NOX5: variants seen among roughly 807,000 people sequenced by gnomAD.
The protein encoded by NOX5 is NADPH oxidase 5, also known as NADPH oxidase, EF-hand calcium binding domain 5.
Under a neutral mutation model 85.7 loss-of-function variants are expected in NOX5, and 76 were observed. That is an observed-to-expected ratio of 0.89 (90% CI 0.74 to 1.07). The LOEUF is 1.07. NOX5 is among the 50% of genes least tolerant of loss of function. The pLI, the probability that NOX5 is intolerant of heterozygous loss-of-function variation, is 0.00. For missense variants in NOX5, 973 were observed against 999.5 expected (o/e 0.97, Z 0.36); for synonymous variants, 405 against 401.4 (o/e 1.01, Z -0.11).
intron 10 of NOX5, among the ~76,000 whole-genome samples, chr15:69,045,536 T>TCTTTCTTTC (rs1555437202): frequency 3.2e-5 from 3 of 94,470 alleles, no homozygotes; most frequent in Non-Finnish European, 5.7e-5. Context: ...TTCCTTTCTT[T>TCTTTCTTTC]TTTCTTTCTT....
At chr15:69,023,804 C>A in intron 1 of NOX5, 1 of 182,772 alleles carries the variant, frequency 5.5e-6, no homozygotes. Flanking sequence ...TTAGCACTGG[C>A]CATAGCAGCA....
rs2050211626 is a variant in NOX5 at position 69,014,785 on chromosome 15, G to A, written c.50G>A (p.Gly17Asp). 1 of 1,546,880 alleles carries A rather than the reference G, an allele frequency of 6.5e-7. No individual in the cohort carries two copies. ...PAQTGPEGCR[G>D]TMSAEEDARW... The stretch of plus-strand genomic sequence containing the variant: ...CAGACGGGCCCTGAAGGCTGTAGAG[G>A]GTGAGTGGCTCATTTGTCCAGCTTT... Residue 17 changes from glycine (G) to aspartate (D), a missense_variant and splice_region_variant, in exon 1 of 16, where the codon GGC becomes GAC. Physicochemically the swap from Gly to Asp is moderately conservative, Grantham distance 94. Coordinates refer to ENST00000388866, the MANE Select transcript of NOX5 (RefSeq NM_024505.4).
At chr15:69,019,808 T>C (rs541616050) in intron 1 of NOX5, among the ~76,000 whole-genome samples, 1 of 152,348 alleles carries the variant, frequency 6.6e-6, no homozygotes, top group African/African-American at 2.4e-5. Flanking sequence ...TAGGATACAT[T>C]CCTAAAAATT....
rs1426123252 is a variant in NOX5, at chr15:69,059,504, C to G, written c.*2808C>G. The G allele has an allele frequency of 6.6e-6, 1 of 152,226 alleles. No individual in the cohort carries two copies. The highest frequency in any genetic ancestry group is 1.5e-5 in the Non-Finnish European group (1 of 68,082). The allele number at this position is 152,226 out of a possible 1,614,324, so 9.4% of individuals were successfully genotyped here. On this transcript the variant is annotated 3_prime_UTR_variant, in exon 16 of 16. Transcript: ENST00000388866. ...CCTTCCCCCAGAAACTCTACCCTCC[C>G]CATACCCAGTGTCCAGTTCTGGGCT...
Position 69,042,912 on chromosome 15 carries a change from C to A in NOX5, c.1647+107C>A, listed in dbSNP as rs2050614167. 5.7e-6 allele frequency: 7 copies of A among 1,225,848 alleles called. No homozygotes were observed. The South Asian group carries it at 6.1e-5, about 11-fold the overall frequency. 75.9% of individuals were successfully genotyped at this position (1,225,848 alleles called of 1,614,324 possible). On this transcript the variant is annotated intron_variant, in intron 10 of 15. Transcript: ENST00000388866. ...TCAATTATTGAGCAACTGCTGTGTA[C>A]ATAGATGGCAGCACAAGGGGGTTAG...
Position 69,031,723 on chromosome 15 carries a change from C to T in NOX5, c.531C>T (p.Ala177=). 1 of 1,612,994 alleles carries T rather than the reference C, an allele frequency of 6.2e-7. No homozygotes were observed. The highest frequency in any genetic ancestry group is 8.5e-7 in the Non-Finnish European group (1 of 1,179,720). ...TGACGCTGGCGCTCTTCGAATCGGC[C>T]GACGCGGACGGCAACGGGGCCATCA... ...DQLTLALFES[A]DADGNGAITF... Residue 177 remains alanine (A), a synonymous_variant, in exon 4 of 16, where the codon GCC becomes GCT. Coordinates refer to ENST00000388866, the MANE Select transcript of NOX5 (RefSeq NM_024505.4).
rs980602958 is a variant in NOX5, at chr15:69,057,812, C to T, written c.*1116C>T. On this transcript the variant is annotated 3_prime_UTR_variant, in exon 16 of 16. Transcript: ENST00000388866. The stretch of plus-strand genomic sequence containing the variant: ...CACCTCAGTTCAGCTCCTTGCTGCT[C>T]CAGGCTTTCGTGCATCTACATCATT... 6.6e-6 allele frequency: 1 copy of T among 152,348 alleles called. No individual in the cohort carries two copies. Among genetic ancestry groups the T allele is most frequent in the African/African-American group, 2.4e-5 (1 of 41,466 alleles). 9.4% of individuals were successfully genotyped at this position (152,348 alleles called of 1,614,324 possible).
At chr15:69,051,882 G>A (rs1404088327) in intron 14 of NOX5, among the ~76,000 whole-genome samples, 1 of 151,342 alleles carries the variant, frequency 6.6e-6, no homozygotes, top group Non-Finnish European at 1.5e-5. Context: ...TAACATACAT[G>A]AAGTCATTAA....
rs1595775845 is a variant in NOX5, at chr15:69,031,946, C to T, written c.620+134C>T. ...CCGCCCCTCCCCAGTTTAGCCCACT[C>T]TTGAGTGTACTGCAGGGCAGCTGTC... On this transcript the variant is annotated intron_variant, in intron 4 of 15. Transcript: ENST00000388866. The T allele has an allele frequency of 1.1e-5, 9 of 849,042 alleles. No individual in the cohort carries two copies. The East Asian group carries it at 2.4e-4, about 23-fold the overall frequency. 52.6% of individuals were successfully genotyped at this position (849,042 alleles called of 1,614,324 possible).
Position 69,047,547 on chromosome 15 carries a change from C to T in NOX5, c.1817+10C>T, listed in dbSNP as rs1238465031. On this transcript the variant is annotated intron_variant, in intron 12 of 15. Coordinates refer to ENST00000388866, the MANE Select transcript of NOX5 (RefSeq NM_024505.4). ...AGAGTATCATGTACAGGTGGGTGAA[C>T]AGTGTGCTCCTGCCTGCATCCTGGG... 3.1e-6 allele frequency: 5 copies of T among 1,611,970 alleles called. No individual in the cohort carries two copies. Among genetic ancestry groups the T allele is most frequent in the South Asian group, 1.1e-5 (1 of 90,652 alleles).
intron 5 of NOX5, among the ~76,000 whole-genome samples, chr15:69,033,776 C>A (rs867321369): frequency 1.4e-5 from 2 of 144,984 alleles, no homozygotes; most frequent in Non-Finnish European, 3.0e-5. Context: ...CTCACTGCAA[C>A]TTTTGCCTCC....
chr15:69,037,019 C>T lies in NOX5; in HGVS notation c.1189-9C>T, dbSNP rs777734826. 6.2e-7 allele frequency: 1 copy of T among 1,612,244 alleles called. No individual in the cohort carries two copies. The highest frequency in any genetic ancestry group is 2.2e-5 in the East Asian group (1 of 44,858). The stretch of plus-strand genomic sequence containing the variant: ...CTCTGGAAGTTGACTGCCCCCCCTA[C>T]CCCCATAGGTGTTCTATTGGACTCA... On this transcript the variant is annotated splice_polypyrimidine_tract_variant and intron_variant, in intron 7 of 15. Transcript: ENST00000388866.
chr15:69,035,697 G>A (rs1306824831), intron 6 of NOX5, 61 bp from the exon 7 acceptor site: 1 of 1,587,716 alleles, frequency 6.3e-7, no homozygotes, highest in African/African-American at 1.3e-5. Flanking sequence ...GATCCCAATG[G>A]GAAGGTGGAG....
intron 1 of NOX5, chr15:69,023,339 C>G: frequency 3.7e-6 from 1 of 267,844 alleles, no homozygotes; most frequent in South Asian, 4.9e-5. Context: ...ACTTCATTCT[C>G]TCAGATGGGT....
At chr15:69,021,971 C>T (rs748469355) in intron 1 of NOX5, among the ~76,000 whole-genome samples, 1 of 152,112 alleles carries the variant, frequency 6.6e-6, no homozygotes, top group Non-Finnish European at 1.5e-5. Context: ...TGTGAAAGCT[C>T]TTCATGATTT....
intron 14 of NOX5, among the ~76,000 whole-genome samples, chr15:69,054,389 C>T (rs1003218751): frequency 2.0e-5 from 3 of 152,208 alleles, no homozygotes; most frequent in Non-Finnish European, 2.9e-5. Context: ...CTCTTCAGCT[C>T]TCTGATGCCC....
chr15:69,041,600 T>C (rs2050595183), intron 9 of NOX5, among the ~76,000 whole-genome samples: 1 of 152,230 alleles, frequency 6.6e-6, no homozygotes, highest in African/African-American at 2.4e-5. Flanking sequence ...CACTACTACT[T>C]CTGATTCCCA....
chr15:69,028,362 G>A lies in NOX5; in HGVS notation c.322G>A (p.Asp108Asn), dbSNP rs141492217. Residue 108 changes from aspartate (D) to asparagine (N), a missense_variant, in exon 3 of 16, where the codon GAT becomes AAT. Coordinates refer to ENST00000388866, the MANE Select transcript of NOX5 (RefSeq NM_024505.4). ...ATTCCTCTTCCAGGTGTATGACATC[G>A]ATGGTAAGGGCTCTTCCTGGGTGTG... Reference protein sequence around the residue: ...LKFLFQVYDIDVCARQGASAG... With the variant: ...LKFLFQVYDINVCARQGASAG... The A allele has an allele frequency of 3.4e-5, 55 of 1,598,174 alleles. No individual in the cohort carries two copies. Among genetic ancestry groups the A allele is most frequent in the Middle Eastern group, 1.7e-4 (1 of 5,934 alleles).
At chr15:69,044,454 G>A (rs2050637406) in intron 10 of NOX5, among the ~76,000 whole-genome samples, 1 of 152,188 alleles carries the variant, frequency 6.6e-6, no homozygotes, top group South Asian at 2.1e-4. Context: ...GATGGGAAAA[G>A]TGCTATTTCA....
Sources: gnomAD v4.1 joint callset for allele counts (sites outside exome capture counted in the v4.1 genomes callset) on GRCh38, gnomAD v4.1.1 for gene constraint, MANE v1.5 for transcripts, NCBI Gene and HGNC (gene_info 2026-07-23, HGNC 2026-07-21) for gene names.